INPP5A: variants seen among roughly 807,000 people sequenced by gnomAD.
INPP5A encodes the protein 43 kDa inositol polyphosphate 5-phophatase.
INPP5A carries 14 observed loss-of-function variants against 65.2 expected under a neutral mutation model. The ratio of observed to expected loss-of-function variants is 0.21; its 90% CI spans 0.14 to 0.34. The LOEUF (loss-of-function observed/expected upper bound fraction) is 0.34. Among genes scored for constraint, INPP5A ranks in the 10% least tolerant of loss-of-function variants. The pLI, the probability that INPP5A is intolerant of heterozygous loss-of-function variation, is 1.00. For missense variants in INPP5A, 431 were observed against 545.6 expected, an observed-to-expected ratio of 0.79 and a Z score of 2.09; for synonymous variants, 207 against 208.3, an observed-to-expected ratio of 0.99 and a Z score of 0.05.
intron 1 of INPP5A, among the ~76,000 whole-genome samples, chr10:132,542,739 T>C (rs1330700876): frequency 2.6e-5 from 4 of 152,226 alleles, no homozygotes; most frequent in African/African-American, 9.6e-5. Context: ...TTCAGGGACG[T>C]TTCACTTGGT....
chr10:132,687,811 TGTG>T (rs1489290965), intron 4 of INPP5A, among the ~76,000 whole-genome samples: 1 of 152,216 alleles, frequency 6.6e-6, no homozygotes, highest in Non-Finnish European at 1.5e-5. Flanking sequence ...TGCTCCTGCC[TGTG>T]GGTGTGTTCC....
At chr10:132,577,656 C>T (rs2071426542) in intron 1 of INPP5A, among the ~76,000 whole-genome samples, 1 of 152,176 alleles carries the variant, frequency 6.6e-6, no homozygotes, top group Non-Finnish European at 1.5e-5. Context: ...GGAGGTGACA[C>T]TGAGACCCAA....
rs1320278598 is a variant in INPP5A, at chr10:132,538,392, G to C, written c.75+221G>C. On this transcript the variant is annotated intron_variant, in intron 1 of 15. Transcript: ENST00000368594. The surrounding 1 kb of genome is among the most constrained non-coding windows in gnomAD (Gnocchi z 4.1). The stretch of plus-strand genomic sequence containing the variant: ...CCAAGCCCGAGACCTGAAGACCTGG[G>C]CCCTGAATCCCCGAACCCCATCCTC... Among the ~76,000 whole-genome samples the C allele has an allele frequency of 2.6e-5, 4 of 152,036 alleles. No homozygotes were observed.
At position 132,724,173 on chromosome 10, in the gene INPP5A, A is replaced by G. The variant is rs1245410564; in HGVS notation, c.648-2648A>G. Among the ~76,000 whole-genome samples, 6 of 152,320 alleles carry G rather than the reference A, an allele frequency of 3.9e-5. No individual in the cohort carries two copies. The South Asian group carries it at 1.0e-3, about 26-fold the overall frequency. ...AAAAGCATGCAGGAATTGATTTTTT[A>G]AAAGATCTGCAGAAAAGAATAGATT... On this transcript the variant is annotated intron_variant, in intron 8 of 15. Coordinates refer to ENST00000368594, the MANE Select transcript of INPP5A (RefSeq NM_005539.5).
chr10:132,717,410 C>G (rs2134550199), intron 8 of INPP5A, among the ~76,000 whole-genome samples: 1 of 151,562 alleles, frequency 6.6e-6, no homozygotes, highest in South Asian at 2.1e-4. Flanking sequence ...TGACTCCACC[C>G]AGTGAGCAGC....
intron 6 of INPP5A, among the ~76,000 whole-genome samples, chr10:132,702,830 G>C (rs1845458240): frequency 6.6e-6 from 1 of 152,224 alleles, no homozygotes; most frequent in African/African-American, 2.4e-5. Flanking sequence ...AGCAGAGGAT[G>C]TGGACAGCGC....
chr10:132,764,512 ACACT>A (rs1229194178), intron 11 of INPP5A, among the ~76,000 whole-genome samples: 18 of 137,600 alleles, frequency 1.3e-4, no homozygotes, highest in African/African-American at 2.2e-4. Flanking sequence ...GTGTGTGGTG[ACACT>A]CAGGAACACG....
intron 4 of INPP5A, among the ~76,000 whole-genome samples, chr10:132,669,822 G>A (rs1396194639): frequency 2.0e-5 from 3 of 152,144 alleles, no homozygotes; most frequent in East Asian, 1.9e-4. Context: ...CATTGTTCCC[G>A]TGTCCCTGTC....
At chr10:132,752,443 G>T (rs1846504642) in intron 11 of INPP5A, among the ~76,000 whole-genome samples, 1 of 140,542 alleles carries the variant, frequency 7.1e-6, no homozygotes, top group Non-Finnish European at 1.6e-5. Context: ...TGATGTGGAG[G>T]GGGCTGTGGC....
At chr10:132,752,795 C>G (rs574906338) in intron 11 of INPP5A, among the ~76,000 whole-genome samples, 5 of 152,224 alleles carry the variant, frequency 3.3e-5, no homozygotes, top group Non-Finnish European at 7.4e-5. Context: ...TTTCTCTCAG[C>G]ATTTTGACAC....
intron 14 of INPP5A, 31 bp downstream of exon 14, chr10:132,780,948 T>TG: frequency 1.7e-6 from 1 of 581,556 alleles, no homozygotes; most frequent in Non-Finnish European, 2.3e-6. Flanking sequence ...GGGGCCAGGC[T>TG]GGGGGACCAA....
chr10:132,537,808 G>C lies in INPP5A; in HGVS notation c.-289G>C, dbSNP rs904170792. The stretch of plus-strand genomic sequence containing the variant: ...CGGGACTTGCCCTCAGCCTGAGTCG[G>C]CGGCGGCTGCGGGAACTTTCCCAGC... On this transcript the variant is annotated 5_prime_UTR_variant, in exon 1 of 16. Coordinates refer to ENST00000368594, the MANE Select transcript of INPP5A (RefSeq NM_005539.5). 8.1e-6 allele frequency: 3 copies of C among 369,790 alleles called. No homozygotes were observed. Among genetic ancestry groups the C allele is most frequent in the Non-Finnish European group, 1.4e-5 (3 of 207,406 alleles). The allele number at this position is 369,790 out of a possible 1,614,324, so 22.9% of individuals were successfully genotyped here.
rs2072951028 is a variant in INPP5A at position 132,675,493 on chromosome 10, G to A, written c.307-14899G>A. On this transcript the variant is annotated intron_variant, in intron 4 of 15. Transcript: ENST00000368594. The surrounding 1 kb of genome is among the most constrained non-coding windows in gnomAD (Gnocchi z 4.2). ...ATGGGCATTGGTTGTGTAAACCGAGGCACCTCCTGCAGTGTAAAACACGGA... is the reference window on the plus strand; with the variant it reads ...ATGGGCATTGGTTGTGTAAACCGAGACACCTCCTGCAGTGTAAAACACGGA... Among the ~76,000 whole-genome samples the A allele has an allele frequency of 6.6e-6, 1 of 152,220 alleles. No individual in the cohort carries two copies. Among genetic ancestry groups the A allele is most frequent in the Non-Finnish European group, 1.5e-5 (1 of 68,040 alleles).
Position 132,687,663 on chromosome 10 carries a change from G to T in INPP5A, c.307-2729G>T, listed in dbSNP as rs578141505. On this transcript the variant is annotated intron_variant, in intron 4 of 15. Transcript: ENST00000368594. ...ATCTGGGTGGTGGCCAGGATGCAGGGCTGGGAGGCCCATGGTTACCCTGCA... is the reference window on the plus strand; with the variant it reads ...ATCTGGGTGGTGGCCAGGATGCAGGTCTGGGAGGCCCATGGTTACCCTGCA... Among the ~76,000 whole-genome samples the T allele has an allele frequency of 4.6e-5, 7 of 152,346 alleles. No homozygotes were observed. The South Asian group carries it at 1.4e-3, about 32-fold the overall frequency.
chr10:132,560,620 GAC>G (rs1338454379), intron 1 of INPP5A, among the ~76,000 whole-genome samples: 4 of 151,758 alleles, frequency 2.6e-5, no homozygotes, highest in Non-Finnish European at 5.9e-5. Flanking sequence ...TTTTTTAAGA[GAC>G]AGATTCTCGC....
intron 1 of INPP5A, among the ~76,000 whole-genome samples, chr10:132,600,721 A>G (rs575197630): frequency 5.3e-5 from 8 of 152,332 alleles, no homozygotes; most frequent in Non-Finnish European, 1.0e-4. Flanking sequence ...ACAGTTCCAC[A>G]TCACTGGGGA....
chr10:132,709,338 G>A, intron 7 of INPP5A, among the ~76,000 whole-genome samples: 1 of 126,016 alleles, frequency 7.9e-6, no homozygotes, highest in Non-Finnish European at 1.7e-5. Flanking sequence ...AAGGAGGTGG[G>A]GGAAGAGTGA....
chr10:132,594,377 A>G (rs2071657267), intron 1 of INPP5A, among the ~76,000 whole-genome samples: 1 of 152,232 alleles, frequency 6.6e-6, no homozygotes, highest in Non-Finnish European at 1.5e-5. Context: ...TGCGGAACGT[A>G]CTGAGACTTC....
At chr10:132,680,307 C>G (rs1257127762) in intron 4 of INPP5A, among the ~76,000 whole-genome samples, 1 of 152,240 alleles carries the variant, frequency 6.6e-6, no homozygotes, top group East Asian at 1.9e-4. Flanking sequence ...TAGGCGTCTT[C>G]CCTCCAAGGA....
Sources: allele counts gnomAD v4.1 joint callset (sites outside exome capture counted in the v4.1 genomes callset), GRCh38; gene constraint gnomAD v4.1.1; non-coding constraint Gnocchi (gnomAD v3.1); transcripts MANE v1.5; gene names NCBI Gene and HGNC (gene_info 2026-07-23, HGNC 2026-07-21).